The following LOC128092253 variants were observed in gnomAD, a reference collection of about 807,000 sequenced individuals.
At chr6:133,979,113 T>C in the LOC128092253 span, among the ~76,000 whole-genome samples, 3 of 152,214 alleles carry the variant, frequency 2.0e-5, no homozygotes, top group East Asian at 3.8e-4. Flanking sequence ...ATAAAAATGG[T>C]ATTATGCAAA....
At chr6:133,972,128 C>T in the LOC128092253 span, among the ~76,000 whole-genome samples, 8 of 152,168 alleles carry the variant, frequency 5.3e-5, no homozygotes, top group Admixed American at 2.6e-4. Context: ...GTATTTGTTA[C>T]TGAGTTCAAA....
At chr6:133,953,583 G>A in the LOC128092253 span, among the ~76,000 whole-genome samples, 3 of 152,128 alleles carry the variant, frequency 2.0e-5, no homozygotes, top group Non-Finnish European at 4.4e-5. Context: ...CAGCCGCTGA[G>A]GTGGGGGAAA....
chr6:133,966,046 C>T, the LOC128092253 span, among the ~76,000 whole-genome samples: 1 of 152,150 alleles, frequency 6.6e-6, no homozygotes, highest in Non-Finnish European at 1.5e-5. Flanking sequence ...AAGCATTCTG[C>T]TGAGCTCTTC....
At chr6:133,964,385 T>C in the LOC128092253 span, among the ~76,000 whole-genome samples, 1 of 151,984 alleles carries the variant, frequency 6.6e-6, no homozygotes, top group Admixed American at 6.5e-5. Flanking sequence ...TATTTTGTAC[T>C]GTTTTTTAAA....
chr6:133,969,251 CTTTTTTTTTTTTTT>C, the LOC128092253 span, among the ~76,000 whole-genome samples: 86 of 122,596 alleles, frequency 7.0e-4, 2 homozygotes, highest in African/African-American at 2.5e-3. Flanking sequence ...ATAAAATACA[CTTTTTTTTTTTTTT>C]TTTTTTTTTA....
At chr6:133,970,161 ACT>A in the LOC128092253 span, among the ~76,000 whole-genome samples, 1 of 151,896 alleles carries the variant, frequency 6.6e-6, no homozygotes, top group East Asian at 1.9e-4. Flanking sequence ...ACCTCAATTG[ACT>A]CTGTCAATTT....
the LOC128092253 span, among the ~76,000 whole-genome samples, chr6:133,961,561 C>T: frequency 1.3e-4 from 19 of 150,948 alleles, no homozygotes; most frequent in Non-Finnish European, 2.2e-4. Context: ...CTCCGCCTCC[C>T]GAGTTCAAGC....
the LOC128092253 span, among the ~76,000 whole-genome samples, chr6:133,973,946 T>G: frequency 6.6e-6 from 1 of 151,000 alleles, no homozygotes; most frequent in Non-Finnish European, 1.5e-5. Flanking sequence ...TTTTCTTATA[T>G]TAAACCTAAC....
the LOC128092253 span, among the ~76,000 whole-genome samples, chr6:133,979,856 A>G: frequency 3.3e-5 from 5 of 152,164 alleles, no homozygotes; most frequent in African/African-American, 1.2e-4. Flanking sequence ...TATGTTGGCC[A>G]GTCTGGTTTT....
At chr6:133,968,164 T>C in the LOC128092253 span, among the ~76,000 whole-genome samples, 1 of 152,218 alleles carries the variant, frequency 6.6e-6, no homozygotes, top group Non-Finnish European at 1.5e-5. Context: ...AATTTTTGTA[T>C]TTTTAGTAGG....
the LOC128092253 span, among the ~76,000 whole-genome samples, chr6:133,972,553 A>G: frequency 1.5e-4 from 23 of 152,150 alleles, no homozygotes; most frequent in African/African-American, 5.3e-4. Flanking sequence ...ACAACTACTC[A>G]GTTGTGCTGC....
the LOC128092253 span, among the ~76,000 whole-genome samples, chr6:133,970,865 T>G: frequency 6.6e-6 from 1 of 152,212 alleles, no homozygotes; most frequent in African/African-American, 2.4e-5. Flanking sequence ...TACATATTTA[T>G]GAGGTACAGA....
At chr6:133,974,616 C>T in the LOC128092253 span, among the ~76,000 whole-genome samples, 1 of 152,226 alleles carries the variant, frequency 6.6e-6, no homozygotes, top group Non-Finnish European at 1.5e-5. Flanking sequence ...CGTAAGCCAC[C>T]GTGCCCAGAC....
At chr6:133,978,120 G>T in the LOC128092253 span, among the ~76,000 whole-genome samples, 2 of 152,142 alleles carry the variant, frequency 1.3e-5, no homozygotes, top group Admixed American at 1.3e-4. Flanking sequence ...TGAAGGCAAG[G>T]TGGAATGGAT....
the LOC128092253 span, among the ~76,000 whole-genome samples, chr6:133,964,929 C>A: frequency 2.0e-5 from 3 of 152,130 alleles, no homozygotes. Flanking sequence ...GTTGTATTTT[C>A]CCCATGCAGT....
At chr6:133,960,743 T>G in the LOC128092253 span, among the ~76,000 whole-genome samples, 1 of 152,210 alleles carries the variant, frequency 6.6e-6, no homozygotes, top group Non-Finnish European at 1.5e-5. Context: ...GGTTGATATC[T>G]TGGAAGTGAC....
At chr6:133,970,112 A>G in the LOC128092253 span, among the ~76,000 whole-genome samples, 1 of 152,182 alleles carries the variant, frequency 6.6e-6, no homozygotes, top group Non-Finnish European at 1.5e-5. Context: ...AGTGTTAAGT[A>G]TCTGGTTTTT....
the LOC128092253 span, among the ~76,000 whole-genome samples, chr6:133,967,307 A>C: frequency 2.1e-3 from 315 of 152,326 alleles, 1 homozygote; most frequent in African/African-American, 7.2e-3. Context: ...AGTGGGCATA[A>C]ATCATTTTCA....
At chr6:133,954,681 A>G in the LOC128092253 span, among the ~76,000 whole-genome samples, 2 of 152,256 alleles carry the variant, frequency 1.3e-5, no homozygotes, top group African/African-American at 4.8e-5. Flanking sequence ...AATAAAATTG[A>G]TAAATCATAG....
Sources: allele counts gnomAD v4.1 joint callset (sites outside exome capture counted in the v4.1 genomes callset), GRCh38; gene constraint gnomAD v4.1.1; transcripts MANE v1.5.